Variants in ZFYVE16 observed in about 807,000 individuals in gnomAD.
ZFYVE16 encodes the protein zinc finger FYVE domain-containing protein 16.
A neutral mutation model predicts 138.1 loss-of-function variants in ZFYVE16; 89 were observed. That is an observed-to-expected ratio of 0.64 (90% CI 0.54 to 0.77). The LOEUF (loss-of-function observed/expected upper bound fraction) is 0.77, where lower values mean the gene tolerates loss of function less well. Among genes scored for constraint, ZFYVE16 ranks in the 30% least tolerant of loss-of-function variants. ZFYVE16 has a pLI of 0.00. For synonymous variants in ZFYVE16, 596 were observed against 618.3 expected, an observed-to-expected ratio of 0.96 and a Z score of 0.53; for missense variants, 1,793 against 1,786.7, an observed-to-expected ratio of 1.00 and a Z score of -0.06.
At chr5:80,449,848 C>G in intron 9 of ZFYVE16, 135 bp downstream of exon 9, 1 of 1,013,968 alleles carries the variant, frequency 9.9e-7, no homozygotes, top group South Asian at 1.8e-5. Flanking sequence ...CCACATATGA[C>G]TGTAAATAAA....
At chr5:80,440,106 A>G in intron 5 of ZFYVE16, 74 bp downstream of exon 5, 2 of 1,485,872 alleles carry the variant, frequency 1.3e-6, no homozygotes, top group Non-Finnish European at 1.8e-6. Flanking sequence ...TGACAAAGAT[A>G]AACTTCTTTA....
At chr5:80,475,905 A>C (rs1454559781) in intron 18 of ZFYVE16, among the ~76,000 whole-genome samples, 5 of 152,022 alleles carry the variant, frequency 3.3e-5, no homozygotes, top group African/African-American at 1.2e-4. Flanking sequence ...AGGTTATGTC[A>C]ATTTATATTT....
intron 15 of ZFYVE16, among the ~76,000 whole-genome samples, chr5:80,462,662 C>T (rs904970231): frequency 6.6e-6 from 1 of 152,226 alleles, no homozygotes; most frequent in Non-Finnish European, 1.5e-5. Flanking sequence ...CTCCCAAAGT[C>T]TTAACACATT....
In ZFYVE16 at chr5:80,450,814, A is replaced by AT. The variant is rs139742757; in HGVS notation, c.3382+250dup. ...AAAATGGAAATATATCCTTATATCC[A>AT]TTTTTTTTTTTTTTTTTTTTTTGAG... On this transcript the variant is annotated intron_variant, in intron 10 of 18. Coordinates refer to ENST00000505560, the MANE Select transcript of ZFYVE16 (RefSeq NM_001284236.3). Among the ~76,000 whole-genome samples the AT allele has an allele frequency of 2.1e-3, 190 of 90,458 alleles. 4 individuals are homozygous for AT. The highest frequency in any genetic ancestry group is 5.5e-3 in the African/African-American group (146 of 26,764). 59.3% of individuals were successfully genotyped at this position (90,458 alleles called of 152,430 possible).
intron 16 of ZFYVE16, 39 bp from the exon 17 acceptor site, chr5:80,473,715 G>A: frequency 7.1e-7 from 1 of 1,402,584 alleles, no homozygotes; most frequent in Admixed American, 2.0e-5. Flanking sequence ...AAAACACATT[G>A]GTGCTAATAA....
At chr5:80,419,899 C>T (rs969253942) in intron 1 of ZFYVE16, among the ~76,000 whole-genome samples, 5 of 151,680 alleles carry the variant, frequency 3.3e-5, no homozygotes, top group South Asian at 2.1e-4. Flanking sequence ...GCAACATCCG[C>T]CTCCCGGGTT....
At chr5:80,469,201 C>T (rs1224799891) in intron 15 of ZFYVE16, among the ~76,000 whole-genome samples, 1 of 151,280 alleles carries the variant, frequency 6.6e-6, no homozygotes, top group Non-Finnish European at 1.5e-5. Flanking sequence ...CTCCAAGGCT[C>T]AGGCAGTCCT....
chr5:80,459,399 G>A lies in ZFYVE16; in HGVS notation c.3944-15G>A. ...GAGCAGTTTAAAACAAATAATTGTTGTATTTCTTGATCAGTGACAGGTGCA... is the reference window on the plus strand; with the variant it reads ...GAGCAGTTTAAAACAAATAATTGTTATATTTCTTGATCAGTGACAGGTGCA... On this transcript the variant is annotated splice_polypyrimidine_tract_variant and intron_variant, in intron 14 of 18. Transcript: ENST00000505560. 6.2e-7 allele frequency: 1 copy of A among 1,606,616 alleles called. No homozygotes were observed. Among genetic ancestry groups the A allele is most frequent in the African/African-American group, 1.3e-5 (1 of 74,736 alleles).
Position 80,474,821 on chromosome 5 carries a change from C to T in ZFYVE16, c.4452C>T (p.Asp1484=), listed in dbSNP as rs760396089. ...MNKIGLRVSI[D]TDMVEFQAGS... ...AAATTGGACTCAGAGTTTCCATTGACACTGATATGGTGAGGCATGTTTTTG... is the reference window on the plus strand; with the variant it reads ...AAATTGGACTCAGAGTTTCCATTGATACTGATATGGTGAGGCATGTTTTTG... The change falls in exon 18 of 19, where the codon GAC becomes GAT. Residue 1484 remains aspartate (D), a synonymous_variant. Transcript: ENST00000505560. 1.9e-6 allele frequency: 3 copies of T among 1,611,166 alleles called. No individual in the cohort carries two copies. In the South Asian group the frequency reaches 3.3e-5, roughly 18 times the overall value.
In ZFYVE16 at chr5:80,438,008, C is replaced by T; in HGVS notation, c.1323C>T (p.Ser441=). The T allele has an allele frequency of 1.2e-6, 2 of 1,613,990 alleles. No individual in the cohort carries two copies. Among genetic ancestry groups the T allele is most frequent in the Non-Finnish European group, 1.7e-6 (2 of 1,179,966 alleles). ...NDLLKQEKCK[S]ILLQSLIEGM... is the part of the protein sequence containing the mutation. The stretch of plus-strand genomic sequence containing the variant: ...TTTTGAAACAGGAAAAATGTAAAAG[C>T]ATACTCCTTCAGTCATTAATTGAAG... The change falls in exon 4 of 19, where the codon AGC becomes AGT. Residue 441 remains serine, a synonymous_variant. Transcript: ENST00000505560.
chr5:80,440,810 G>C (rs1750628286), intron 5 of ZFYVE16: 1 of 984,650 alleles, frequency 1.0e-6, no homozygotes, highest in Admixed American at 6.2e-5. Flanking sequence ...GGCCTTTTTT[G>C]ACCAGACCTG....
intron 2 of ZFYVE16, among the ~76,000 whole-genome samples, chr5:80,432,980 C>T (rs756937825): frequency 8.5e-5 from 13 of 152,182 alleles, no homozygotes; most frequent in Non-Finnish European, 1.3e-4. Context: ...AATGCTTTTA[C>T]ACTTGGTGGG....
Position 80,477,902 on chromosome 5 carries a change from C to T in ZFYVE16, c.*525C>T, listed in dbSNP as rs1295117515. On this transcript the variant is annotated 3_prime_UTR_variant, in exon 19 of 19. Transcript: ENST00000505560. ...TTATTTGTATAATTGGAGTGGAGAC[C>T]TACCTCCATAATTAGATAAACTCTT... The T allele has an allele frequency of 6.6e-6, 1 of 152,018 alleles. No individual in the cohort carries two copies. The highest frequency in any genetic ancestry group is 2.4e-5 in the African/African-American group (1 of 41,400). 9.4% of individuals were successfully genotyped at this position (152,018 alleles called of 1,614,324 possible).
intron 1 of ZFYVE16, among the ~76,000 whole-genome samples, chr5:80,417,746 A>G (rs1344213585): frequency 6.6e-6 from 1 of 152,148 alleles, no homozygotes; most frequent in Non-Finnish European, 1.5e-5. Context: ...GATTGCTTCC[A>G]GTTTTTGGCA....
intron 18 of ZFYVE16, among the ~76,000 whole-genome samples, chr5:80,475,221 C>G (rs2112560486): frequency 6.6e-6 from 1 of 152,350 alleles, no homozygotes; most frequent in East Asian, 1.9e-4. Flanking sequence ...CATGACTACT[C>G]TGCCTTATAG....
chr5:80,455,689 T>TA lies in ZFYVE16; in HGVS notation c.3608-2dup. The TA allele has an allele frequency of 6.2e-7, 1 of 1,605,356 alleles. No homozygotes were observed. The highest frequency in any genetic ancestry group is 1.3e-5 in the African/African-American group (1 of 74,306). On this transcript the variant is annotated splice_region_variant and splice_polypyrimidine_tract_variant and intron_variant, in intron 11 of 18. Coordinates refer to ENST00000505560, the MANE Select transcript of ZFYVE16 (RefSeq NM_001284236.3). ...GTAACCAGTTTTCCTTTCTTATGTA[T>TA]AGCATATCCTGCTCCTCTAACAAGC...
chr5:80,432,280 A>C (rs1215101386), intron 2 of ZFYVE16, among the ~76,000 whole-genome samples: 1 of 152,098 alleles, frequency 6.6e-6, no homozygotes, highest in African/African-American at 2.4e-5. Flanking sequence ...AAATAATACC[A>C]CACATCTACA....
At position 80,437,944 on chromosome 5, in the gene ZFYVE16, G is replaced by A. The variant is rs182174576; in HGVS notation, c.1259G>A (p.Ser420Asn). ...ACTATACATGAAGAAATACAGAACA[G>A]TGTTGTTCTAGGTGGGGAACCATTC... ...AVTIHEEIQN[S>N]VVLGGEPFKE... Residue 420 changes from serine (S) to asparagine (N), a missense_variant, in exon 4 of 19, where the codon AGT becomes AAT. Coordinates refer to ENST00000505560, the MANE Select transcript of ZFYVE16 (RefSeq NM_001284236.3). The A allele has an allele frequency of 9.0e-5, 145 of 1,613,874 alleles. No homozygotes were observed. The Admixed American group carries it at 2.1e-3, about 24-fold the overall frequency.
chr5:80,475,083 C>T (rs1561342380), intron 18 of ZFYVE16, among the ~76,000 whole-genome samples: 1 of 152,174 alleles, frequency 6.6e-6, no homozygotes, highest in Non-Finnish European at 1.5e-5. Flanking sequence ...CTCAACACTA[C>T]CATTATATTG....
Sources: gnomAD v4.1 joint callset for allele counts (sites outside exome capture counted in the v4.1 genomes callset) on GRCh38, gnomAD v4.1.1 for gene constraint, MANE v1.5 for transcripts, NCBI Gene and HGNC (gene_info 2026-07-23, HGNC 2026-07-21) for gene names.